NPRL3: variants seen among roughly 807,000 people sequenced by gnomAD.
The protein encoded by NPRL3 is NPR3 like, GATOR1 complex subunit, also known as GATOR1 complex protein NPRL3.
A neutral mutation model predicts 57.2 loss-of-function variants in NPRL3; 23 were observed. The ratio of observed to expected loss-of-function variants is 0.40; its 90% CI spans 0.29 to 0.57. The LOEUF (loss-of-function observed/expected upper bound fraction) is 0.57. NPRL3 is among the 20% of genes least tolerant of loss of function. NPRL3 has a pLI of 0.42. For missense variants in NPRL3, 691 were observed against 767.1 expected, an observed-to-expected ratio of 0.90 and a Z score of 1.17; for synonymous variants, 333 against 321.1, an observed-to-expected ratio of 1.04 and a Z score of -0.39.
intron 3 of NPRL3, among the ~76,000 whole-genome samples, chr16:123,351 G>A (rs966440201): frequency 1.3e-5 from 2 of 152,144 alleles, no homozygotes; most frequent in East Asian, 3.9e-4. Flanking sequence ...TGGGAAGTCT[G>A]GGCATTCATG....
intron 5 of NPRL3, among the ~76,000 whole-genome samples, chr16:116,238 C>A (rs1214364263): frequency 6.6e-6 from 1 of 152,214 alleles, no homozygotes; most frequent in Non-Finnish European, 1.5e-5. Flanking sequence ...GGCTGCGTTT[C>A]ATCAACTGTC....
intron 11 of NPRL3, 33 bp from the exon 12 acceptor site, chr16:89,935 T>C (rs1596496791): frequency 9.8e-6 from 15 of 1,526,700 alleles, no homozygotes; most frequent in Non-Finnish European, 1.3e-5. Flanking sequence ...CTGGTCCCCC[T>C]CCCCACTCCA....
At chr16:138,078 G>A (rs577192820) in intron 2 of NPRL3, 72 bp downstream of exon 2, 1 of 1,153,908 alleles carries the variant, frequency 8.7e-7, no homozygotes, top group Non-Finnish European at 1.3e-6. Context: ...CCGCGAGGCG[G>A]CCCTGGAATG....
intron 13 of NPRL3, among the ~76,000 whole-genome samples, chr16:87,535 C>G: frequency 1.3e-5 from 1 of 76,098 alleles, no homozygotes; most frequent in Non-Finnish European, 3.1e-5. Flanking sequence ...CTGTGCCCAG[C>G]CTGCTTTTTT....
chr16:100,758 A>G (rs1899251864), intron 7 of NPRL3, among the ~76,000 whole-genome samples: 2 of 97,636 alleles, frequency 2.0e-5, no homozygotes, highest in African/African-American at 8.8e-5. Context: ...TCACGAGGTC[A>G]GCAGTTCGAG....
intron 11 of NPRL3, 149 bp downstream of exon 11, chr16:92,447 G>A: frequency 4.1e-6 from 4 of 964,834 alleles, no homozygotes; most frequent in Non-Finnish European, 6.1e-6. Context: ...GTCCTGCTGG[G>A]CACGTAGCAC....
chr16:95,325 GTATATATA>G (rs780432969), intron 9 of NPRL3, among the ~76,000 whole-genome samples: 67 of 102,224 alleles, frequency 6.6e-4, no homozygotes, highest in Middle Eastern at 5.2e-3. Flanking sequence ...GTTTGTGTGT[GTATATATA>G]TATATATATA....
intron 7 of NPRL3, among the ~76,000 whole-genome samples, chr16:105,837 G>A (rs1899502490): frequency 6.6e-6 from 1 of 152,180 alleles, no homozygotes; most frequent in Admixed American, 6.5e-5. Flanking sequence ...ATGAATGAGT[G>A]ACATGCTGTC....
chr16:91,910 C>T (rs985964842), intron 11 of NPRL3, among the ~76,000 whole-genome samples: 8 of 152,184 alleles, frequency 5.3e-5, no homozygotes, highest in Non-Finnish European at 1.2e-4. Flanking sequence ...CACCTCAGCA[C>T]AAGGCTATGA....
intron 9 of NPRL3, among the ~76,000 whole-genome samples, chr16:93,824 G>A (rs916085070): frequency 1.3e-5 from 2 of 152,214 alleles, no homozygotes; most frequent in Non-Finnish European, 2.9e-5. Flanking sequence ...GCCTTCCAAA[G>A]TGCTGGGATT....
chr16:103,296 A>ATTTTTTTTTTTTTT (rs533871530), intron 7 of NPRL3, among the ~76,000 whole-genome samples: 466 of 42,118 alleles, frequency 0.011, 127 homozygotes, highest in East Asian at 0.016. Flanking sequence ...GCCTGGGGTG[A>ATTTTTTTTTTTTTT]TTTTTTTTTT....
chr16:116,796 C>CCT (rs1555443785), intron 5 of NPRL3, among the ~76,000 whole-genome samples: 1 of 144,606 alleles, frequency 6.9e-6, no homozygotes, highest in Admixed American at 6.9e-5. Flanking sequence ...GACCCCCCCC[C>CCT]CCCACCGATC....
At chr16:88,303 C>G (rs1003535153) in intron 13 of NPRL3, among the ~76,000 whole-genome samples, 1 of 150,702 alleles carries the variant, frequency 6.6e-6, no homozygotes, top group African/African-American at 2.5e-5. Flanking sequence ...ATGGCGTGAA[C>G]CCGGGAAGCG....
intron 6 of NPRL3, among the ~76,000 whole-genome samples, chr16:112,113 C>T (rs1159057434): frequency 6.6e-6 from 1 of 152,362 alleles, no homozygotes; most frequent in Middle Eastern, 3.4e-3. Context: ...ATTTCCAACG[C>T]CCTCTCCTGC....
chr16:105,467 A>G (rs1039542913), intron 7 of NPRL3, among the ~76,000 whole-genome samples: 2 of 150,696 alleles, frequency 1.3e-5, no homozygotes, highest in South Asian at 2.1e-4. Context: ...ATTTCAAACG[A>G]AAGTTTATAT....
At position 86,746 on chromosome 16, in the gene NPRL3, C is replaced by T. The variant is rs764005661; in HGVS notation, c.1669G>A (p.Glu557Lys). 15 of 1,578,532 alleles carry T rather than the reference C, an allele frequency of 9.5e-6. No individual in the cohort carries two copies. The Admixed American group carries it at 1.5e-4, about 16-fold the overall frequency. Reference sequence around the variant, plus strand: ...TGGAAGACGGCAATGACAGGGTCCTCGTGGGTGGTCACCACCAGCACGCTG... The same window carrying T: ...TGGAAGACGGCAATGACAGGGTCCTTGTGGGTGGTCACCACCAGCACGCTG... ...FRSVLVVTTH[E>K]DPVIAVFQAL... The change falls in exon 14 of 14, where the codon GAG (glutamate) becomes AAG (lysine). Residue 557 changes from glutamate to lysine, a missense_variant. Coordinates refer to ENST00000611875, the MANE Select transcript of NPRL3 (RefSeq NM_001077350.3).
intron 11 of NPRL3, chr16:90,921 G>C (rs1305961164): frequency 2.0e-5 from 3 of 152,118 alleles, no homozygotes; most frequent in African/African-American, 7.2e-5. Flanking sequence ...CTCTACTAAA[G>C]ATACAAAAAT....
rs760686431 is a variant in NPRL3, at chr16:88,915, A to C, written c.1352-25T>G. On this transcript the variant is annotated intron_variant, in intron 12 of 13. Coordinates refer to ENST00000611875, the MANE Select transcript of NPRL3 (RefSeq NM_001077350.3). ...GCTGTGGGGGACATGGGTCAGGGTG[A>C]CCAAGTGGAATTCCAGGACACCCAG... The C allele has an allele frequency of 5.6e-5, 89 of 1,594,898 alleles. 2 individuals are homozygous for C. In the South Asian group the frequency reaches 9.9e-4, roughly 18 times the overall value.
At chr16:100,578 C>G in intron 7 of NPRL3, 69 bp from the exon 8 acceptor site, 3 of 1,349,546 alleles carry the variant, frequency 2.2e-6, no homozygotes, top group Admixed American at 6.7e-5. Context: ...CAGAAAACAC[C>G]CTGCTCAATG....
Sources: allele counts gnomAD v4.1 joint callset (sites outside exome capture counted in the v4.1 genomes callset), GRCh38; gene constraint gnomAD v4.1.1; transcripts MANE v1.5; gene names NCBI Gene and HGNC (gene_info 2026-07-23, HGNC 2026-07-21).